Variants in EXD3 observed in about 807,000 individuals in gnomAD.
EXD3 encodes the protein exonuclease mut-7 homolog.
EXD3 carries 92 observed loss-of-function variants against 98.0 expected under a neutral mutation model. That is an observed-to-expected ratio of 0.94 (90% CI 0.79 to 1.12). The LOEUF is 1.12. EXD3 is among the 50% of genes most tolerant of loss of function. The probability of loss-of-function intolerance (pLI) is 0.00; values close to 1 mark genes in which losing one functional copy is unlikely to be tolerated. For synonymous variants in EXD3, 569 were observed against 526.0 expected (o/e 1.08, Z -1.12); for missense variants, 1,222 against 1,191.6 (o/e 1.03, Z -0.38).
intron 20 of EXD3, 32 bp downstream of exon 20, chr9:137,309,575 C>G (rs777837064): frequency 3.3e-6 from 5 of 1,531,620 alleles, no homozygotes; most frequent in African/African-American, 1.4e-5. Context: ...CCCAGGCCCC[C>G]CAGACCCAGT....
In EXD3 at chr9:137,382,632, C is replaced by T. The variant is rs549003889; in HGVS notation, c.120+681G>A. Among the ~76,000 whole-genome samples, 15 of 152,164 alleles carry T rather than the reference C, an allele frequency of 9.9e-5. No individual in the cohort carries two copies. In the South Asian group the frequency reaches 1.9e-3, roughly 19 times the overall value. ...GAGAGGCAGACACAGGAGCAGGCAG[C>T]GCCAGGGCTGGGGTCAGAGGGCATC... On this transcript the variant is annotated intron_variant, in intron 3 of 21. Transcript: ENST00000340951.
rs1477085222 is a variant in EXD3, at chr9:137,329,305, C to G, written c.1999-5162G>C. Among the ~76,000 whole-genome samples, 29 of 20,652 alleles carry G rather than the reference C, an allele frequency of 1.4e-3. 11 individuals carry two copies. The highest frequency in any genetic ancestry group is 1.4e-3 in the Non-Finnish European group (20 of 13,960). 13.5% of individuals were successfully genotyped at this position (20,652 alleles called of 152,430 possible). A position where few individuals can be genotyped will look rare whatever the true frequency, so the allele number is the denominator to read the frequency against. ...CTACACGGGGCTACAGGGGGCTACA[C>G]GGGGCTACACGGGACTACACGGGAG... On this transcript the variant is annotated intron_variant, in intron 17 of 21. Transcript: ENST00000340951.
chr9:137,386,289 G>A (rs1480015777), intron 2 of EXD3, among the ~76,000 whole-genome samples: 2 of 152,050 alleles, frequency 1.3e-5, no homozygotes, highest in Non-Finnish European at 1.5e-5. Context: ...GTGAGAACCT[G>A]TCAATCAATC....
At chr9:137,373,627 C>CT (rs752773433) in intron 3 of EXD3, 28 bp from the exon 4 acceptor site, 64 of 1,573,870 alleles carry the variant, frequency 4.1e-5, no homozygotes, top group Non-Finnish European at 5.4e-5. Flanking sequence ...CACACTGGCA[C>CT]TTTGTCTTGC....
chr9:137,349,601 C>T lies in EXD3; in HGVS notation c.1495-70G>A, dbSNP rs1834145234. The T allele has an allele frequency of 7.0e-7, 1 of 1,432,976 alleles. No homozygotes were observed. Among genetic ancestry groups the T allele is most frequent in the Non-Finnish European group, 9.2e-7 (1 of 1,092,746 alleles). The allele number at this position is 1,432,976 out of a possible 1,614,324, so 88.8% of individuals were successfully genotyped here. On this transcript the variant is annotated intron_variant, in intron 14 of 21. Transcript: ENST00000340951. This position sits in a 1 kb window ranked among gnomAD's most constrained non-coding sequence, Gnocchi z 7.4. ...GCAGCACAGTCACCGTGCCCACTCACACCAGCCCTGCGGGGGCTCTGGAGG... is the reference window on the plus strand; with the variant it reads ...GCAGCACAGTCACCGTGCCCACTCATACCAGCCCTGCGGGGGCTCTGGAGG...
intron 2 of EXD3, among the ~76,000 whole-genome samples, chr9:137,384,102 G>A (rs1373473990): frequency 6.6e-6 from 1 of 152,204 alleles, no homozygotes; most frequent in Non-Finnish European, 1.5e-5. Context: ...CTGAGGACAG[G>A]AGCCTGGGTG....
Position 137,323,818 on chromosome 9 carries a change from G to A in EXD3, c.2091C>T (p.Val697=), listed in dbSNP as rs764477243. The A allele has an allele frequency of 4.3e-6, 7 of 1,611,966 alleles. No homozygotes were observed. Among genetic ancestry groups the A allele is most frequent in the African/African-American group, 2.7e-5 (2 of 74,918 alleles). Residue 697 remains valine, a synonymous_variant, in exon 19 of 22, where the codon GTC becomes GTT. Transcript: ENST00000340951. ...GCTGCTGGGCCTTCAGGGAGCAGTC[G>A]ACCGAGAGGCAGCGCCCAGCCCCGA... is the stretch of plus-strand genomic sequence containing the variant. The part of the protein sequence containing the change: ...AQVGAGRCLS[V]DCSLKAQQQA...
Position 137,407,062 on chromosome 9 carries a change from G to A in EXD3, c.-47-11658C>T, listed in dbSNP as rs551196159. The stretch of plus-strand genomic sequence containing the variant: ...AGAACGCTCGCCAGCAAACCCGCCC[G>A]TTCACAGAGGCACCGGAGCGGGCGG... On this transcript the variant is annotated intron_variant, in intron 1 of 21. Transcript: ENST00000340951. This position sits in a 1 kb window ranked among gnomAD's most constrained non-coding sequence, Gnocchi z 4.4. 3.2e-3 allele frequency among the ~76,000 whole-genome samples: 484 copies of A among 152,294 alleles called. 1 individual carries two copies. The highest frequency in any genetic ancestry group is 5.7e-3 in the Non-Finnish European group (386 of 68,006).
chr9:137,349,184 T>C lies in EXD3; in HGVS notation c.1756A>G (p.Arg586Gly). 1 of 1,589,722 alleles carries C rather than the reference T, an allele frequency of 6.3e-7. No individual in the cohort carries two copies. The highest frequency in any genetic ancestry group is 8.5e-7 in the Non-Finnish European group (1 of 1,173,806). The change falls in exon 16 of 22, where the codon AGG (arginine) becomes GGG (glycine). Residue 586 changes from arginine to glycine, a missense_variant. By Grantham distance (125) the Arg-to-Gly change is moderately radical. Transcript: ENST00000340951. This position sits in a 1 kb window ranked among gnomAD's most constrained non-coding sequence, Gnocchi z 7.4. The stretch of plus-strand genomic sequence containing the variant: ...CGTGCCCCTGGTCTCTCTCTGTGCC[T>C]GGGCCTCCGGCTCCCAGCCAGGTCC... ...SEDLAGSRRP[R>G]HRERPGARKP...
chr9:137,334,181 T>C (rs763408739), intron 17 of EXD3, among the ~76,000 whole-genome samples: 9 of 152,192 alleles, frequency 5.9e-5, no homozygotes, highest in Non-Finnish European at 4.4e-5. Context: ...TTTTGTATTT[T>C]AGTGGAGACG....
chr9:137,314,302 G>T (rs368981566), intron 19 of EXD3, among the ~76,000 whole-genome samples: 3 of 152,222 alleles, frequency 2.0e-5, no homozygotes, highest in Non-Finnish European at 4.4e-5. Flanking sequence ...CTGTGGCACT[G>T]TGAGCCTCTT....
intron 19 of EXD3, among the ~76,000 whole-genome samples, chr9:137,310,189 C>T (rs1831287254): frequency 1.3e-5 from 2 of 152,240 alleles, no homozygotes; most frequent in African/African-American, 2.4e-5. Context: ...GGCGAGGGGG[C>T]TGGAGCAACA....
chr9:137,328,436 T>C (rs370306332), intron 17 of EXD3, among the ~76,000 whole-genome samples: 6 of 130,882 alleles, frequency 4.6e-5, no homozygotes, highest in African/African-American at 1.6e-4. Flanking sequence ...TATACACTCA[T>C]ATGATGAGTA....
intron 16 of EXD3, among the ~76,000 whole-genome samples, chr9:137,348,562 G>T (rs1399828028): frequency 1.6e-5 from 2 of 125,090 alleles, no homozygotes; most frequent in Admixed American, 1.5e-4. Context: ...ATAGAGAGGG[G>T]TGGGGATCAC....
At chr9:137,372,601 A>G (rs1588373327) in intron 5 of EXD3, among the ~76,000 whole-genome samples, 1 of 152,178 alleles carries the variant, frequency 6.6e-6, no homozygotes, top group Non-Finnish European at 1.5e-5. Flanking sequence ...GCCCAGGCCC[A>G]CCTAGGACCC....
chr9:137,374,293 G>A (rs906472639), intron 3 of EXD3, among the ~76,000 whole-genome samples: 3 of 152,254 alleles, frequency 2.0e-5, no homozygotes, highest in Non-Finnish European at 1.5e-5. Flanking sequence ...GGGACAGGGC[G>A]CAGCAGCCGA....
chr9:137,413,982 T>C (rs1213690057), intron 1 of EXD3, among the ~76,000 whole-genome samples: 1 of 148,790 alleles, frequency 6.7e-6, no homozygotes, highest in East Asian at 2.1e-4. Flanking sequence ...AGTGGTGCCA[T>C]CTCGGCTCAC....
chr9:137,355,471 AGGAGGAAGGAGGAAGGAGGAT>A (rs1564508116), intron 8 of EXD3, among the ~76,000 whole-genome samples: 32 of 110,342 alleles, frequency 2.9e-4, no homozygotes, highest in Non-Finnish European at 3.8e-4. Flanking sequence ...GAAAGGAGGA[AGGAGGAAGGAGGAAGGAGGAT>A]GGAGGAAGGA....
chr9:137,409,658 T>C (rs753431287), intron 1 of EXD3, among the ~76,000 whole-genome samples: 1 of 152,150 alleles, frequency 6.6e-6, no homozygotes. Context: ...AGACATGGGC[T>C]GATGTGACTG....
Sources: allele counts gnomAD v4.1 joint callset (sites outside exome capture counted in the v4.1 genomes callset), GRCh38; gene constraint gnomAD v4.1.1; non-coding constraint Gnocchi (gnomAD v3.1); transcripts MANE v1.5; gene names NCBI Gene and HGNC (gene_info 2026-07-23, HGNC 2026-07-21).